The following LEMD3 variants were observed in gnomAD, a reference collection of about 807,000 sequenced individuals.
LEMD3 encodes inner nuclear membrane protein Man1.
A neutral mutation model predicts 95.2 loss-of-function variants in LEMD3; 33 were observed. The ratio of observed to expected loss-of-function variants is 0.35; its 90% CI spans 0.26 to 0.46. LEMD3 has a LOEUF of 0.46. LEMD3 is among the 20% of genes least tolerant of loss of function. The pLI, the probability that LEMD3 is intolerant of heterozygous loss-of-function variation, is 1.00. For missense variants in LEMD3, 1,210 were observed against 1,192.8 expected (o/e 1.01, Z -0.21); for synonymous variants, 525 against 474.6 (o/e 1.11, Z -1.38).
chr12:65,196,647 C>G (rs896155511), intron 1 of LEMD3, among the ~76,000 whole-genome samples: 11 of 152,088 alleles, frequency 7.2e-5, no homozygotes, highest in African/African-American at 2.7e-4. Flanking sequence ...AATATAGTCT[C>G]TGTCATGACT....
chr12:65,183,249 G>A (rs923048255), intron 1 of LEMD3, among the ~76,000 whole-genome samples: 2 of 152,122 alleles, frequency 1.3e-5, no homozygotes, highest in Non-Finnish European at 2.9e-5. Flanking sequence ...AGTTTTTGAT[G>A]AGATAGATAT....
chr12:65,233,430 G>A (rs930278426), intron 4 of LEMD3, among the ~76,000 whole-genome samples: 7 of 152,138 alleles, frequency 4.6e-5, no homozygotes, highest in Admixed American at 2.0e-4. Context: ...ATCTGGTTCT[G>A]GGTCTACTTG....
intron 4 of LEMD3, among the ~76,000 whole-genome samples, chr12:65,235,587 A>C (rs1328891855): frequency 6.6e-6 from 1 of 152,136 alleles, no homozygotes; most frequent in Non-Finnish European, 1.5e-5. Flanking sequence ...ATATTCATTT[A>C]TATTAGGTGT....
chr12:65,178,557 G>T lies in LEMD3; in HGVS notation c.1522+7439G>T, dbSNP rs139828670. 2.1e-3 allele frequency among the ~76,000 whole-genome samples: 322 copies of T among 152,242 alleles called. 1 individual carries two copies. Among genetic ancestry groups the T allele is most frequent in the African/African-American group, 7.5e-3 (310 of 41,546 alleles). On this transcript the variant is annotated intron_variant, in intron 1 of 12. Coordinates refer to ENST00000308330, the MANE Select transcript of LEMD3 (RefSeq NM_014319.5). ...TATGAAAAATAGGTTAAATGAGAATGAAGTAATGTGTGTAAAGTAAAACTC... is the reference window on the plus strand; with the variant it reads ...TATGAAAAATAGGTTAAATGAGAATTAAGTAATGTGTGTAAAGTAAAACTC...
At chr12:65,226,625 T>G (rs529144141) in intron 4 of LEMD3, among the ~76,000 whole-genome samples, 1 of 152,320 alleles carries the variant, frequency 6.6e-6, no homozygotes, top group Non-Finnish European at 1.5e-5. Context: ...GCATGACTTA[T>G]ATGTAGGTAC....
chr12:65,191,448 G>GAACATTTCTAGAA (rs1565783312), intron 1 of LEMD3, among the ~76,000 whole-genome samples: 96 of 152,178 alleles, frequency 6.3e-4, no homozygotes, highest in Non-Finnish European at 9.6e-4. Context: ...AGAACACTCA[G>GAACATTTCTAGAA]TAACATACCC....
rs747025576 is a variant in LEMD3, at chr12:65,170,437, C to G, written c.841C>G (p.Leu281Val). 1.9e-4 allele frequency: 313 copies of G among 1,613,872 alleles called. No individual in the cohort carries two copies. Among genetic ancestry groups the G allele is most frequent in the Non-Finnish European group, 2.5e-4 (298 of 1,179,972 alleles). The part of the protein sequence containing the change: ...SSRQVLKDDS[L>V]SRHRPRRTHS... ...CAGACAGGTATTAAAGGACGACTCC[C>G]TTTCCCGGCATCGGCCCAGACGAAC... Residue 281 changes from leucine (L) to valine (V), a missense_variant, in exon 1 of 13, where the codon CTT becomes GTT. Leu to Val is a conservative substitution (Grantham distance 32). Transcript: ENST00000308330.
At chr12:65,207,816 A>T (rs1352828472) in intron 1 of LEMD3, among the ~76,000 whole-genome samples, 9 of 151,092 alleles carry the variant, frequency 6.0e-5, no homozygotes, top group Non-Finnish European at 1.2e-4. Context: ...AAACGTATAG[A>T]TGTGTTTGCA....
intron 1 of LEMD3, among the ~76,000 whole-genome samples, chr12:65,193,777 G>GTGTGTGTGTGTGTGT (rs1358595919): frequency 1.8e-5 from 1 of 56,602 alleles, no homozygotes; most frequent in African/African-American, 7.7e-5. Flanking sequence ...TGTGTGTGTT[G>GTGTGTGTGTGTGTGT]GGGGAGGGGG....
At chr12:65,211,634 G>A (rs1869943036) in intron 2 of LEMD3, among the ~76,000 whole-genome samples, 1 of 152,182 alleles carries the variant, frequency 6.6e-6, no homozygotes, top group Non-Finnish European at 1.5e-5. Flanking sequence ...ACTGAAGGAT[G>A]TGTAATAATG....
chr12:65,172,948 A>G (rs1291922927), intron 1 of LEMD3, among the ~76,000 whole-genome samples: 1 of 151,998 alleles, frequency 6.6e-6, no homozygotes, highest in East Asian at 1.9e-4. Flanking sequence ...AGATCTGGCC[A>G]TTTTCTAAGA....
At chr12:65,178,289 A>T (rs1391647923) in intron 1 of LEMD3, among the ~76,000 whole-genome samples, 1 of 152,070 alleles carries the variant, frequency 6.6e-6, no homozygotes, top group Non-Finnish European at 1.5e-5. Context: ...CAGTTTGATG[A>T]TTTCAGAAAT....
At chr12:65,212,963 C>G (rs1339052872) in intron 2 of LEMD3, among the ~76,000 whole-genome samples, 3 of 152,120 alleles carry the variant, frequency 2.0e-5, no homozygotes, top group Non-Finnish European at 4.4e-5. Flanking sequence ...GTTTAGTGTA[C>G]TTGTACTAAA....
intron 1 of LEMD3, among the ~76,000 whole-genome samples, chr12:65,205,928 C>A (rs1489150883): frequency 6.6e-6 from 1 of 152,048 alleles, no homozygotes; most frequent in Non-Finnish European, 1.5e-5. Flanking sequence ...GGGAACTGTT[C>A]CTGTCATCTA....
At chr12:65,218,765 G>A in intron 4 of LEMD3, 146 bp downstream of exon 4, 1 of 385,468 alleles carries the variant, frequency 2.6e-6, no homozygotes, top group Non-Finnish European at 4.9e-6. Flanking sequence ...GCAGTTATGA[G>A]AAAGTAAAAT....
intron 2 of LEMD3, among the ~76,000 whole-genome samples, chr12:65,211,286 C>G (rs192529525): frequency 6.6e-6 from 1 of 152,252 alleles, no homozygotes; most frequent in East Asian, 1.9e-4. Context: ...TTGTCTTACA[C>G]TTAGAAGTAT....
At chr12:65,248,355 AT>A, downstream of LEMD3, 1 of 152,252 alleles carries the variant, frequency 6.6e-6, no homozygotes, top group South Asian at 2.1e-4. Flanking sequence ...TTTTAAAAAC[AT>A]TTTAAGTGCC....
rs1010523581 is a variant in LEMD3 at position 65,247,823 on chromosome 12, T to C, written c.*1498T>C. 1 of 152,640 alleles carries C rather than the reference T, an allele frequency of 6.6e-6. No individual in the cohort carries two copies. Among genetic ancestry groups the C allele is most frequent in the Admixed American group, 6.5e-5 (1 of 15,284 alleles). The allele number at this position is 152,640 out of a possible 1,614,324, so 9.5% of individuals were successfully genotyped here. A position where few individuals can be genotyped will look rare whatever the true frequency, so the allele number is the denominator to read the frequency against. On this transcript the variant is annotated 3_prime_UTR_variant, in exon 13 of 13. Coordinates refer to ENST00000308330, the MANE Select transcript of LEMD3 (RefSeq NM_014319.5). ...AGAAAGCCCTATTGTGCCTTACCTG[T>C]GTGCTTTTGTGGGCACCTTGTTTAT... is the stretch of plus-strand genomic sequence containing the variant.
At chr12:65,206,122 A>C (rs191970173) in intron 1 of LEMD3, among the ~76,000 whole-genome samples, 1 of 152,296 alleles carries the variant, frequency 6.6e-6, no homozygotes, top group Admixed American at 6.5e-5. Context: ...CAGCTGTTGG[A>C]AACATTCCCC....
Sources: allele counts gnomAD v4.1 joint callset (sites outside exome capture counted in the v4.1 genomes callset), GRCh38; gene constraint gnomAD v4.1.1; transcripts MANE v1.5; gene names NCBI Gene and HGNC (gene_info 2026-07-23, HGNC 2026-07-21).